Variants in SREK1 observed in about 807,000 individuals in gnomAD.
SREK1 encodes splicing regulatory glutamic acid and lysine rich protein 1.
Under a neutral mutation model 66.5 loss-of-function variants are expected in SREK1, and 13 were observed. The observed-to-expected ratio is 0.20, with a 90% confidence interval of 0.13 to 0.31. The LOEUF is 0.31. Ranked by LOEUF, SREK1 falls within the 10% of genes least tolerant of loss-of-function variation. SREK1 has a pLI of 1.00. For synonymous variants in SREK1, 265 were observed against 263.5 expected (o/e 1.01, Z -0.05); for missense variants, 607 against 769.6 (o/e 0.79, Z 2.50).
At chr5:66,166,758 A>C (rs891217956) in intron 7 of SREK1, 6 of 152,154 alleles carry the variant, frequency 3.9e-5, no homozygotes, top group African/African-American at 1.4e-4. Flanking sequence ...CATGGTATAC[A>C]TGTTCTTAAC....
At chr5:66,163,759 T>A in intron 5 of SREK1, 33 bp from the exon 6 acceptor site, 1 of 1,591,302 alleles carries the variant, frequency 6.3e-7, no homozygotes. Context: ...AAATGTGGTG[T>A]GTATTTGTGA....
intron 3 of SREK1, among the ~76,000 whole-genome samples, chr5:66,161,841 A>G (rs562751343): frequency 1.3e-5 from 2 of 152,332 alleles, no homozygotes; most frequent in East Asian, 1.9e-4. Flanking sequence ...GAACATAGCT[A>G]TGTCAGGTAA....
At chr5:66,144,663 G>T (rs1742994657) in intron 1 of SREK1, 126 bp downstream of exon 1, 5 of 1,414,670 alleles carry the variant, frequency 3.5e-6, no homozygotes, top group Non-Finnish European at 4.6e-6. Context: ...GCTTACCTTG[G>T]TGCCCATATT....
chr5:66,145,841 A>G (rs1355966233), intron 1 of SREK1, among the ~76,000 whole-genome samples: 3 of 150,012 alleles, frequency 2.0e-5, no homozygotes, highest in Admixed American at 6.7e-5. Flanking sequence ...ATTAATAGTT[A>G]TCTCCTTTAA....
chr5:66,153,505 G>A lies in SREK1; in HGVS notation c.204G>A (p.Lys68=), dbSNP rs775442624. The A allele has an allele frequency of 1.2e-6, 2 of 1,613,884 alleles. No homozygotes were observed. The highest frequency in any genetic ancestry group is 1.7e-5 in the Admixed American group (1 of 59,974). ...TTTCCTCCAAAGTATGTTATGTTAA[G>A]TTTCGTGATCCATCAAGTGTTGGCG... ...LAFSSKVCYV[K]FRDPSSVGVA... Residue 68 remains lysine, a synonymous_variant, in exon 2 of 12, where the codon AAG becomes AAA. Coordinates refer to ENST00000334121, the MANE Select transcript of SREK1 (RefSeq NM_001077199.3).
chr5:66,150,160 G>A (rs780623856), intron 1 of SREK1, among the ~76,000 whole-genome samples: 7 of 152,216 alleles, frequency 4.6e-5, no homozygotes, highest in Admixed American at 1.3e-4. Flanking sequence ...ATGGGCCCTT[G>A]AGACTGGTGA....
chr5:66,175,512 A>AT (rs557127875), intron 10 of SREK1, among the ~76,000 whole-genome samples: 98 of 151,928 alleles, frequency 6.5e-4, no homozygotes, highest in African/African-American at 1.8e-3. Flanking sequence ...GGTTTTTTGA[A>AT]TTTTTTTTAC....
Position 66,171,433 on chromosome 5 carries a change from G to C in SREK1, c.1484+486G>C, listed in dbSNP as rs115883339. On this transcript the variant is annotated intron_variant, in intron 9 of 11. Transcript: ENST00000334121. ...TCGTGTTTTATTTTGTCAGTTTTAA[G>C]GGTTAGAGTTTTTCCTTAGGACCGT... is the stretch of plus-strand genomic sequence containing the variant. Among the ~76,000 whole-genome samples, 1,474 of 152,162 alleles carry C rather than the reference G, an allele frequency of 9.7e-3. 33 individuals carry two copies. The highest frequency in any genetic ancestry group is 0.034 in the African/African-American group (1,423 of 41,498).
At chr5:66,155,431 T>A (rs997346586) in intron 2 of SREK1, among the ~76,000 whole-genome samples, 1 of 152,202 alleles carries the variant, frequency 6.6e-6, no homozygotes, top group African/African-American at 2.4e-5. Context: ...ACCTCGAGAA[T>A]TTCACAGTGA....
intron 2 of SREK1, chr5:66,157,316 G>A: frequency 1.0e-6 from 1 of 983,758 alleles, no homozygotes; most frequent in Non-Finnish European, 1.2e-6. Context: ...TACCCTTTTT[G>A]TTTGTATAGT....
At chr5:66,155,319 A>G (rs1165298081) in intron 2 of SREK1, among the ~76,000 whole-genome samples, 1 of 152,226 alleles carries the variant, frequency 6.6e-6, no homozygotes, top group African/African-American at 2.4e-5. Flanking sequence ...GTTATAAGTA[A>G]GTAAATATTT....
At chr5:66,177,445 T>A in intron 10 of SREK1, 69 bp from the exon 11 acceptor site, 1 of 1,230,542 alleles carries the variant, frequency 8.1e-7, no homozygotes, top group Non-Finnish European at 1.1e-6. Context: ...TAGAAAAGGA[T>A]ATTTTGTCAA....
chr5:66,145,080 C>CGA (rs1164859228), intron 1 of SREK1: 1 of 985,562 alleles, frequency 1.0e-6, no homozygotes, highest in Non-Finnish European at 1.2e-6. Flanking sequence ...TTTATCTAAC[C>CGA]GAGCGCATCC....
chr5:66,159,679 A>G (rs999959595), intron 3 of SREK1, among the ~76,000 whole-genome samples: 7 of 152,220 alleles, frequency 4.6e-5, no homozygotes, highest in Non-Finnish European at 8.8e-5. Flanking sequence ...AATACGTGAA[A>G]TGATCCACAA....
At chr5:66,162,662 C>CT (rs1010648878) in intron 5 of SREK1, 70 bp downstream of exon 5, 862 of 1,385,446 alleles carry the variant, frequency 6.2e-4, no homozygotes, top group East Asian at 1.6e-3. Flanking sequence ...GTAATGAAGG[C>CT]TTTTTTTTTC....
intron 1 of SREK1, among the ~76,000 whole-genome samples, chr5:66,148,796 A>G (rs963499419): frequency 6.7e-6 from 1 of 150,296 alleles, no homozygotes; most frequent in African/African-American, 2.5e-5. Context: ...TTTAGACCAA[A>G]TGGAATATGT....
At chr5:66,166,385 G>A (rs1199695714) in intron 7 of SREK1, 1 of 152,174 alleles carries the variant, frequency 6.6e-6, no homozygotes, top group Admixed American at 6.5e-5. Flanking sequence ...GATCATCTAA[G>A]TGAAGTTTTA....
Position 66,144,321 on chromosome 5 carries a change from G to A in SREK1, c.-56G>A, listed in dbSNP as rs975312607. On this transcript the variant is annotated 5_prime_UTR_variant, in exon 1 of 12. Transcript: ENST00000334121. ...GCGCGTTCTCCGCTTTCCCGGCTCC[G>A]TCGCTGACGCGTCGTAGACGTTGGG... 4 of 1,385,384 alleles carry A rather than the reference G, an allele frequency of 2.9e-6. No homozygotes were observed. The highest frequency in any genetic ancestry group is 3.0e-5 in the African/African-American group (2 of 67,260). The allele number at this position is 1,385,384 out of a possible 1,614,324, so 85.8% of individuals were successfully genotyped here. A position where few individuals can be genotyped will look rare whatever the true frequency, so the allele number is the denominator to read the frequency against.
chr5:66,167,228 G>C (rs1444310888), intron 7 of SREK1: 1 of 152,174 alleles, frequency 6.6e-6, no homozygotes, highest in East Asian at 1.9e-4. Context: ...TCTTGTCACT[G>C]TGACCTTGGC....
Sources: allele counts gnomAD v4.1 joint callset (sites outside exome capture counted in the v4.1 genomes callset), GRCh38; gene constraint gnomAD v4.1.1; transcripts MANE v1.5; gene names NCBI Gene and HGNC (gene_info 2026-07-23, HGNC 2026-07-21).